The following PLEKHG5 variants were observed in gnomAD, a reference collection of about 807,000 sequenced individuals.
PLEKHG5 encodes the protein pleckstrin homology domain-containing family G member 5.
Under a neutral mutation model 103.8 loss-of-function variants are expected in PLEKHG5, and 52 were observed. The observed-to-expected ratio is 0.50, with a 90% CI of 0.40 to 0.63. PLEKHG5 has a LOEUF of 0.63. Ranked by LOEUF, PLEKHG5 falls within the 30% of genes least tolerant of loss-of-function variation. PLEKHG5 has a pLI of 0.00. For missense variants in PLEKHG5, 1,205 were observed against 1,347.6 expected, an observed-to-expected ratio of 0.89 and a Z score of 1.66; for synonymous variants, 592 against 575.5, an observed-to-expected ratio of 1.03 and a Z score of -0.41.
intron 1 of PLEKHG5, among the ~76,000 whole-genome samples, chr1:6,516,263 A>T (rs1321903204): frequency 1.3e-5 from 2 of 152,034 alleles, no homozygotes; most frequent in Non-Finnish European, 2.9e-5. Context: ...GTCTCAAAAG[A>T]AAAAACAAAT....
At chr1:6,496,542 C>T, upstream of PLEKHG5, 5 of 1,592,878 alleles carry the variant, frequency 3.1e-6, no homozygotes, top group Non-Finnish European at 4.3e-6. Context: ...ACAGCGCAGT[C>T]CCTTCTTTTC....
rs1392113464 is a variant in PLEKHG5 at position 6,467,824 on chromosome 1, C to T, written c.3011+1G>A. 5 of 1,612,986 alleles carry T rather than the reference C, an allele frequency of 3.1e-6. No individual in the cohort carries two copies. Among genetic ancestry groups the T allele is most frequent in the Admixed American group, 3.3e-5 (2 of 59,976 alleles). ...GCCCTACCCCAGTCCAGGCCACTCA[C>T]GAGGCAGTGAGCGTGGAGTTAAGCA... On this transcript the variant is annotated splice_donor_variant, in intron 20 of 20. Transcript: ENST00000377728. LOFTEE classifies it high-confidence loss of function.
At chr1:6,474,889 GGCGT>G (rs1405671219) in intron 5 of PLEKHG5, 154 bp downstream of exon 5, 1 of 744,578 alleles carries the variant, frequency 1.3e-6, no homozygotes, top group African/African-American at 1.7e-5. Flanking sequence ...CCCTCACACT[GGCGT>G]GCACACCAGC....
rs767059510 is a variant in PLEKHG5, at chr1:6,486,219, C to A, written c.-88+5418G>T. 6.6e-6 allele frequency among the ~76,000 whole-genome samples: 1 copy of A among 152,052 alleles called. No homozygotes were observed. Among genetic ancestry groups the A allele is most frequent in the African/African-American group, 2.4e-5 (1 of 41,388 alleles). ...AGCAAGGGAGCTCTTAGAATACAGGCACCAGAAGGGGGAGGCCAGGATGGG... is the reference window on the plus strand; with the variant it reads ...AGCAAGGGAGCTCTTAGAATACAGGAACCAGAAGGGGGAGGCCAGGATGGG... On this transcript the variant is annotated intron_variant, in intron 1 of 20. Transcript: ENST00000377728. The surrounding 1 kb of genome is among the most constrained non-coding windows in gnomAD (Gnocchi z 5.3).
At chr1:6,481,463 A>G (rs552746042) in intron 1 of PLEKHG5, among the ~76,000 whole-genome samples, 21 of 151,996 alleles carry the variant, frequency 1.4e-4, no homozygotes, top group South Asian at 8.3e-4. Flanking sequence ...TACGGGAGGC[A>G]GAGGTTGCAG....
At chr1:6,496,524 G>C, upstream of PLEKHG5, 2 of 1,603,882 alleles carry the variant, frequency 1.2e-6, no homozygotes, top group Non-Finnish European at 8.5e-7. Flanking sequence ...CATGCAGGCG[G>C]GGTTCTGACA....
upstream of PLEKHG5, among the ~76,000 whole-genome samples, chr1:6,495,539 G>A (rs1288718763): frequency 6.6e-6 from 1 of 152,180 alleles, no homozygotes; most frequent in Non-Finnish European, 1.5e-5. Context: ...TCAAATCCCA[G>A]CTCTCCCACT....
chr1:6,513,956 G>A (rs1638545569), intron 1 of PLEKHG5, among the ~76,000 whole-genome samples: 1 of 152,232 alleles, frequency 6.6e-6, no homozygotes, highest in Non-Finnish European at 1.5e-5. Flanking sequence ...TTACAGAGGA[G>A]GCTGTTTCCT....
chr1:6,475,018 C>T, intron 5 of PLEKHG5, 29 bp downstream of exon 5: 25 of 1,379,174 alleles, frequency 1.8e-5, no homozygotes, highest in Non-Finnish European at 2.4e-5. Flanking sequence ...CCCAGTCCCA[C>T]TTCCACCCTG....
intron 2 of PLEKHG5, among the ~76,000 whole-genome samples, chr1:6,477,065 T>C (rs140131966): frequency 6.6e-6 from 1 of 152,296 alleles, no homozygotes; most frequent in Non-Finnish European, 1.5e-5. Context: ...CCATAGGCAG[T>C]TGATGGTGGG....
At chr1:6,498,595 G>A (rs1645260973), upstream of PLEKHG5, among the ~76,000 whole-genome samples, 2 of 152,356 alleles carry the variant, frequency 1.3e-5, no homozygotes, top group East Asian at 3.9e-4. Context: ...GGGCAGGGTA[G>A]CCCTTTGGGG....
At chr1:6,518,584 A>G (rs1337245486) in intron 1 of PLEKHG5, among the ~76,000 whole-genome samples, 1 of 151,922 alleles carries the variant, frequency 6.6e-6, no homozygotes, top group Non-Finnish European at 1.5e-5. Flanking sequence ...AAGAAAAAGA[A>G]AAAAGAAAAG....
At position 6,467,258 on chromosome 1, in the gene PLEKHG5, A is replaced by C; in HGVS notation, c.*305T>G. On this transcript the variant is annotated 3_prime_UTR_variant, in exon 21 of 21. Transcript: ENST00000377728. ...GCAGGAGTGAATCCCACTGGAGGCC[A>C]GTGAGGGTAGAAGTAGGATGGGCAG... 1.8e-6 allele frequency: 1 copy of C among 545,084 alleles called. No individual in the cohort carries two copies. Among genetic ancestry groups the C allele is most frequent in the Non-Finnish European group, 3.3e-6 (1 of 298,854 alleles). The allele number at this position is 545,084 out of a possible 1,614,324, so 33.8% of individuals were successfully genotyped here.
chr1:6,492,937 G>A (rs1242209627), upstream of PLEKHG5, among the ~76,000 whole-genome samples: 2 of 137,480 alleles, frequency 1.5e-5, no homozygotes, highest in South Asian at 2.3e-4. Context: ...CCCTGGCCTC[G>A]CTTGCCCCTT....
In PLEKHG5 at chr1:6,486,144, C is replaced by T. The variant is rs1645032728; in HGVS notation, c.-88+5493G>A. On this transcript the variant is annotated intron_variant, in intron 1 of 20. Coordinates refer to ENST00000377728, the MANE Select transcript of PLEKHG5 (RefSeq NM_020631.6). This position sits in a 1 kb window ranked among gnomAD's most constrained non-coding sequence, Gnocchi z 5.3. ...TTCCCTCCTCCCTTCCTCCTGGAGACCCCCACCCCCGCCTCGGAGCCTCAG... is the reference window on the plus strand; with the variant it reads ...TTCCCTCCTCCCTTCCTCCTGGAGATCCCCACCCCCGCCTCGGAGCCTCAG... 6.6e-6 allele frequency among the ~76,000 whole-genome samples: 1 copy of T among 152,028 alleles called. No homozygotes were observed. The highest frequency in any genetic ancestry group is 6.5e-5 in the Admixed American group (1 of 15,274).
At position 6,473,426 on chromosome 1, in the gene PLEKHG5, G is replaced by A. The variant is rs572530276; in HGVS notation, c.620C>T (p.Ser207Leu). Residue 207 changes from serine (S) to leucine (L), a missense_variant, in exon 8 of 21, where the codon TCG (serine) becomes TTG (leucine). Coordinates refer to ENST00000377728, the MANE Select transcript of PLEKHG5 (RefSeq NM_020631.6). The part of the protein sequence containing the change: ...LAPGRRRKNM[S>L]EFLGEASIPG... ...GATGCTCGCCTCCCCCAGGAACTCC[G>A]ACATGTTCTTGCGGCGGCGGCCAGG... 262 of 1,540,266 alleles carry A rather than the reference G, an allele frequency of 1.7e-4. No homozygotes were observed. Among genetic ancestry groups the A allele is most frequent in the South Asian group, 7.9e-4 (66 of 83,634 alleles).
chr1:6,473,591 C>T, intron 7 of PLEKHG5, 137 bp from the exon 8 acceptor site: 1 of 667,826 alleles, frequency 1.5e-6, no homozygotes, highest in East Asian at 2.7e-5. Flanking sequence ...TGTCCCCTCT[C>T]CTGGGACCCA....
intron 1 of PLEKHG5, among the ~76,000 whole-genome samples, chr1:6,516,225 A>C (rs1196319206): frequency 6.6e-6 from 1 of 151,940 alleles, no homozygotes; most frequent in Non-Finnish European, 1.5e-5. Context: ...ACTTTCAGAG[A>C]CCAGCCTAAG....
chr1:6,519,396 G>A (rs1013210971), intron 1 of PLEKHG5: 1 of 1,414,178 alleles, frequency 7.1e-7, no homozygotes, highest in African/African-American at 1.4e-5. Flanking sequence ...CTTTCACTCT[G>A]TGTCCTCAAA....
Sources: allele counts gnomAD v4.1 joint callset (sites outside exome capture counted in the v4.1 genomes callset), GRCh38; gene constraint gnomAD v4.1.1; non-coding constraint Gnocchi (gnomAD v3.1); transcripts MANE v1.5; gene names NCBI Gene and HGNC (gene_info 2026-07-23, HGNC 2026-07-21).